The following DDX18 variants were observed in gnomAD, a reference collection of about 807,000 sequenced individuals.
DDX18 encodes ATP-dependent RNA helicase DDX18.
Under a neutral mutation model 73.5 loss-of-function variants are expected in DDX18, and 23 were observed. That is an observed-to-expected ratio of 0.31 (90% CI 0.23 to 0.44). The LOEUF (loss-of-function observed/expected upper bound fraction) is 0.44. Among genes scored for constraint, DDX18 ranks in the 20% least tolerant of loss-of-function variants. The pLI is 1.00. For missense variants in DDX18, 753 were observed against 792.9 expected (o/e 0.95, Z 0.60); for synonymous variants, 268 against 282.7 (o/e 0.95, Z 0.52).
chr2:117,817,751 C>T (rs1192635855), intron 2 of DDX18, 23 bp downstream of exon 2: 6 of 1,571,472 alleles, frequency 3.8e-6, no homozygotes, highest in Non-Finnish European at 5.1e-6. Flanking sequence ...TATCTTTGAA[C>T]TTCAGCCATT....
At chr2:117,822,325 C>T in intron 7 of DDX18, 64 bp downstream of exon 7, 1 of 1,334,966 alleles carries the variant, frequency 7.5e-7, no homozygotes, top group Non-Finnish European at 1.1e-6. Context: ...AGAGTTGTTC[C>T]TATAGAAAAA....
At chr2:117,822,439 T>C (rs1679861134) in intron 7 of DDX18, 178 bp downstream of exon 7, 1 of 551,252 alleles carries the variant, frequency 1.8e-6, no homozygotes, top group Non-Finnish European at 3.2e-6. Context: ...TAACTTGATA[T>C]AATAGTTTTG....
In DDX18 at chr2:117,830,683, A is replaced by G. The variant is rs61748153; in HGVS notation, c.1972A>G (p.Ile658Val). Residue 658 changes from isoleucine (I) to valine (V), a missense_variant, in exon 14 of 14, where the codon ATT (isoleucine) becomes GTT (valine). Physicochemically the swap from Ile to Val is conservative, Grantham distance 29 (BLOSUM62 3). Around this residue, in one of 3 missense-constraint regions of DDX18, gnomAD observed 402 missense variants for 419.4 expected, o/e 0.96. Transcript: ENST00000263239. ...TGAGAAATCCAAAATCTTTAAACAC[A>G]TTAGCAAGAAATCATCTGACAGCAG... ...KVEKSKIFKH[I>V]SKKSSDSRQF... 1.9e-5 allele frequency: 30 copies of G among 1,613,824 alleles called. No homozygotes were observed. Among genetic ancestry groups the G allele is most frequent in the Non-Finnish European group, 2.5e-5 (29 of 1,179,808 alleles).
rs891249495 is a variant in DDX18 at position 117,825,595 on chromosome 2, C to T, written c.1517C>T (p.Pro506Leu). 6.2e-7 allele frequency: 1 copy of T among 1,612,076 alleles called. No individual in the cohort carries two copies. The highest frequency in any genetic ancestry group is 8.5e-7 in the Non-Finnish European group (1 of 1,179,218). ...GTTCAGTATGACCCTCCGGATGACC[C>T]TAAGGTAACTGGCATCTTTGGAATA... ...WIVQYDPPDD[P>L]KEYIHRVGRT... The change falls in exon 10 of 14, where the codon CCT becomes CTT. Residue 506 changes from proline (P) to leucine (L), a missense_variant. Coordinates refer to ENST00000263239, the MANE Select transcript of DDX18 (RefSeq NM_006773.4).
rs2104625541 is a variant in DDX18 at position 117,826,304 on chromosome 2, C to T, written c.1557C>T (p.Gly519=). Residue 519 remains glycine, a synonymous_variant, in exon 11 of 14, where the codon GGC becomes GGT. Coordinates refer to ENST00000263239, the MANE Select transcript of DDX18 (RefSeq NM_006773.4). ...ATCGTGTGGGTAGAACAGCCAGAGG[C>T]CTAAATGGGAGAGGGCATGCCTTGC... ...YIHRVGRTAR[G]LNGRGHALLI... The T allele has an allele frequency of 1.2e-6, 2 of 1,613,960 alleles. No individual in the cohort carries two copies. The highest frequency in any genetic ancestry group is 1.7e-6 in the Non-Finnish European group (2 of 1,179,968).
chr2:117,830,880 C>A lies in DDX18; in HGVS notation c.*156C>A. The A allele has an allele frequency of 1.3e-6, 1 of 775,054 alleles. No homozygotes were observed. The highest frequency in any genetic ancestry group is 3.4e-5 in the Admixed American group (1 of 29,024). The allele number at this position is 775,054 out of a possible 1,614,324, so 48.0% of individuals were successfully genotyped here. A position where few individuals can be genotyped will look rare whatever the true frequency, so the allele number is the denominator to read the frequency against. On this transcript the variant is annotated 3_prime_UTR_variant, in exon 14 of 14. Coordinates refer to ENST00000263239, the MANE Select transcript of DDX18 (RefSeq NM_006773.4). ...AAGCACTGAGCACTGTTACTTCTAT[C>A]ACGTCTCTCTTTTATTTCTGGGATA...
intron 7 of DDX18, chr2:117,824,291 T>A (rs1679889164): frequency 4.1e-6 from 1 of 242,998 alleles, no homozygotes. Context: ...ATGAAGGTTA[T>A]AACTAAAATT....
chr2:117,830,078 C>T (rs1281021260), intron 13 of DDX18, among the ~76,000 whole-genome samples: 2 of 152,140 alleles, frequency 1.3e-5, no homozygotes, highest in African/African-American at 4.8e-5. Flanking sequence ...ATAGGGGTAA[C>T]TTCTGAGGGA....
At chr2:117,816,700 G>A (rs151023753) in intron 1 of DDX18, among the ~76,000 whole-genome samples, 4 of 152,196 alleles carry the variant, frequency 2.6e-5, no homozygotes, top group East Asian at 1.9e-4. Context: ...TTATTATCAC[G>A]TATTATGTAT....
At position 117,830,697 on chromosome 2, in the gene DDX18, A is replaced by C; in HGVS notation, c.1986A>C (p.Ser662=). ...TCTTTAAACACATTAGCAAGAAATC[A>C]TCTGACAGCAGGCAGTTCTCTCACT... is the stretch of plus-strand genomic sequence containing the variant. ...SKIFKHISKK[S]SDSRQFSH The change falls in exon 14 of 14, where the codon TCA becomes TCC. Residue 662 remains serine, a synonymous_variant. Transcript: ENST00000263239. 1 of 1,613,696 alleles carries C rather than the reference A, an allele frequency of 6.2e-7. No homozygotes were observed. The highest frequency in any genetic ancestry group is 8.5e-7 in the Non-Finnish European group (1 of 1,179,756).
chr2:117,821,965 A>C lies in DDX18; in HGVS notation c.855A>C (p.Ile285=), dbSNP rs554659776. The C allele has an allele frequency of 6.2e-7, 1 of 1,614,046 alleles. No individual in the cohort carries two copies. The highest frequency in any genetic ancestry group is 1.1e-5 in the South Asian group (1 of 91,088). ...ACCACGTGCATACCTATGGCTTGAT[A>C]ATGGGTGGCAGTAACAGATCTGCTG... ...MTHHVHTYGL[I]MGGSNRSAEA... Residue 285 remains isoleucine, a synonymous_variant, in exon 6 of 14, where the codon ATA becomes ATC. Coordinates refer to ENST00000263239, the MANE Select transcript of DDX18 (RefSeq NM_006773.4).
chr2:117,826,652 C>T (rs767165778), intron 11 of DDX18: 12 of 436,388 alleles, frequency 2.7e-5, no homozygotes, highest in Non-Finnish European at 4.2e-5. Flanking sequence ...CTCTTTGAAA[C>T]CTTCTCCACT....
rs1680023583 is a variant in DDX18, at chr2:117,831,479, G to C, written c.*755G>C. ...TACATCAATAGAGGTGTAATGTACT[G>C]CATTTCTTCATTTGGTAACATAACA... On this transcript the variant is annotated 3_prime_UTR_variant, in exon 14 of 14. Coordinates refer to ENST00000263239, the MANE Select transcript of DDX18 (RefSeq NM_006773.4). 1 of 152,172 alleles carries C rather than the reference G, an allele frequency of 6.6e-6. No individual in the cohort carries two copies. Among genetic ancestry groups the C allele is most frequent in the Non-Finnish European group, 1.5e-5 (1 of 68,040 alleles). The allele number at this position is 152,172 out of a possible 1,614,324, so 9.4% of individuals were successfully genotyped here.
chr2:117,827,366 C>A (rs914814803), intron 11 of DDX18: 2 of 152,104 alleles, frequency 1.3e-5, no homozygotes, highest in Non-Finnish European at 2.9e-5. Flanking sequence ...ACTTTAAGTT[C>A]TAGGGTACAT....
intron 1 of DDX18, chr2:117,815,755 A>G (rs1341228755): frequency 6.6e-6 from 1 of 152,230 alleles, no homozygotes; most frequent in Admixed American, 6.5e-5. Context: ...ATGGTGTTTT[A>G]TCTTTTTCAG....
At chr2:117,819,001 G>A (rs145776809) in intron 2 of DDX18, among the ~76,000 whole-genome samples, 14 of 152,276 alleles carry the variant, frequency 9.2e-5, no homozygotes, top group Admixed American at 3.3e-4. Flanking sequence ...CTGGGTTGTG[G>A]TCTAAGTTCT....
intron 11 of DDX18, chr2:117,827,419 T>C (rs1404821982): frequency 1.3e-5 from 2 of 152,176 alleles, no homozygotes; most frequent in Non-Finnish European, 2.9e-5. Context: ...TCATGTGCCA[T>C]GTTGGTGTGC....
rs1679737724 is a variant in DDX18 at position 117,815,234 on chromosome 2, C to T, written c.85+372C>T. 2.3e-5 allele frequency: 5 copies of T among 220,486 alleles called. No homozygotes were observed. The South Asian group carries it at 2.7e-4, about 12-fold the overall frequency. The allele number at this position is 220,486 out of a possible 1,614,324, so 13.7% of individuals were successfully genotyped here. ...TCATTTCCGGTTATGCTGCATGAAA[C>T]GTCTCATTTCCACCCACTTTTCACA... On this transcript the variant is annotated intron_variant, in intron 1 of 13. Coordinates refer to ENST00000263239, the MANE Select transcript of DDX18 (RefSeq NM_006773.4).
chr2:117,817,819 T>A, intron 2 of DDX18, 91 bp downstream of exon 2: 1 of 1,366,728 alleles, frequency 7.3e-7, no homozygotes, highest in Non-Finnish European at 1.0e-6. Flanking sequence ...GCACATGACA[T>A]GAGAATTCCC....
Sources: allele counts gnomAD v4.1 joint callset (sites outside exome capture counted in the v4.1 genomes callset), GRCh38; gene constraint gnomAD v4.1.1; regional missense constraint gnomAD v4.1.1; transcripts MANE v1.5; gene names NCBI Gene and HGNC (gene_info 2026-07-23, HGNC 2026-07-21).